Variants in TBC1D4 observed in about 807,000 individuals in gnomAD.
TBC1D4 encodes TBC (Tre-2, BUB2, CDC16) domain-containing protein.
Under a neutral mutation model 142.5 loss-of-function variants are expected in TBC1D4, and 121 were observed. That is an observed-to-expected ratio of 0.85 (90% CI 0.73 to 0.99). TBC1D4 has a LOEUF of 0.99. Among genes scored for constraint, TBC1D4 ranks in the 50% least tolerant of loss-of-function variants. TBC1D4 has a pLI of 0.00. For missense variants in TBC1D4, 1,475 were observed against 1,606.6 expected, an observed-to-expected ratio of 0.92 and a Z score of 1.40; for synonymous variants, 630 against 628.2, an observed-to-expected ratio of 1.00 and a Z score of -0.04.
In TBC1D4 at chr13:75,481,708, C is replaced by G; in HGVS notation, c.60G>C (p.Pro20=). 1 of 1,596,036 alleles carries G rather than the reference C, an allele frequency of 6.3e-7. No individual in the cohort carries two copies. The highest frequency in any genetic ancestry group is 8.5e-7 in the Non-Finnish European group (1 of 1,173,512). Residue 20 remains proline (P), a synonymous_variant, in exon 1 of 21, where the codon CCG becomes CCC. Transcript: ENST00000377636. ...CGGGGCCGGGCTGAGCTGAGACGCC[C>G]GGCTCGGGCTCCAGGGGGTGCGGGA... is the stretch of plus-strand genomic sequence containing the variant. ...EPFPHPLEPE[P]GVSAQPGPGK... is the part of the protein sequence containing the mutation.
chr13:75,387,447 T>A (rs143598047), intron 1 of TBC1D4, among the ~76,000 whole-genome samples: 1 of 152,356 alleles, frequency 6.6e-6, no homozygotes, highest in East Asian at 1.9e-4. Context: ...ATCCACTTCT[T>A]TACCTTGCAC....
At chr13:75,479,544 C>T (rs763125371) in intron 1 of TBC1D4, among the ~76,000 whole-genome samples, 2 of 151,820 alleles carry the variant, frequency 1.3e-5, no homozygotes, top group African/African-American at 2.4e-5. Flanking sequence ...ACTAAAGGTG[C>T]CAGGACCATC....
intron 1 of TBC1D4, among the ~76,000 whole-genome samples, chr13:75,377,446 C>A (rs1204413315): frequency 6.6e-6 from 1 of 152,038 alleles, no homozygotes; most frequent in African/African-American, 2.4e-5. Context: ...CAGAAATTTT[C>A]TTTAATGCAG....
At chr13:75,349,435 C>T in intron 4 of TBC1D4, 133 bp from the exon 5 acceptor site, 1 of 1,214,112 alleles carries the variant, frequency 8.2e-7, no homozygotes, top group East Asian at 2.5e-5. Flanking sequence ...AGAGAGTTAG[C>T]CGAGAGAAAA....
chr13:75,314,852 T>G (rs1032826711), intron 12 of TBC1D4, among the ~76,000 whole-genome samples: 8 of 149,414 alleles, frequency 5.4e-5, no homozygotes, highest in Non-Finnish European at 7.4e-5. Context: ...TAGTGACAGG[T>G]GCCTGTAATC....
intron 13 of TBC1D4, among the ~76,000 whole-genome samples, chr13:75,311,333 C>T (rs111780579): frequency 2.0e-5 from 3 of 152,332 alleles, no homozygotes; most frequent in African/African-American, 7.2e-5. Flanking sequence ...TTTAAATAAA[C>T]ATCTAATTGT....
At chr13:75,387,891 G>C (rs1009279063) in intron 1 of TBC1D4, among the ~76,000 whole-genome samples, 1 of 152,118 alleles carries the variant, frequency 6.6e-6, no homozygotes, top group Non-Finnish European at 1.5e-5. Flanking sequence ...TTACCTTACA[G>C]TTCTGCAGGA....
chr13:75,318,146 C>T (rs1422915151), intron 12 of TBC1D4, among the ~76,000 whole-genome samples: 1 of 152,224 alleles, frequency 6.6e-6, no homozygotes, highest in Non-Finnish European at 1.5e-5. Context: ...CTAATGACCA[C>T]TCACAGAGAC....
At chr13:75,468,762 G>C (rs1346227991) in intron 1 of TBC1D4, among the ~76,000 whole-genome samples, 1 of 152,122 alleles carries the variant, frequency 6.6e-6, no homozygotes, top group Non-Finnish European at 1.5e-5. Flanking sequence ...ACATTAATCT[G>C]CTCCTGTGGA....
intron 1 of TBC1D4, among the ~76,000 whole-genome samples, chr13:75,463,624 A>G (rs141122426): frequency 6.6e-6 from 1 of 152,360 alleles, no homozygotes; most frequent in Non-Finnish European, 1.5e-5. Context: ...TGATTTCATC[A>G]ACCTCAGTAT....
chr13:75,429,618 T>C (rs755490879), intron 1 of TBC1D4, among the ~76,000 whole-genome samples: 1 of 152,058 alleles, frequency 6.6e-6, no homozygotes, highest in Non-Finnish European at 1.5e-5. Context: ...AATAAAAGGT[T>C]TTAATTAAAA....
intron 1 of TBC1D4, among the ~76,000 whole-genome samples, chr13:75,432,633 C>G (rs563758018): frequency 2.2e-4 from 34 of 152,058 alleles, no homozygotes; most frequent in Non-Finnish European, 4.6e-4. Context: ...ATAGTTAATA[C>G]TTAAACGGAA....
chr13:75,338,496 G>A (rs1360348803), intron 7 of TBC1D4, among the ~76,000 whole-genome samples: 8 of 152,132 alleles, frequency 5.3e-5, no homozygotes, highest in East Asian at 3.8e-4. Context: ...AAAGGAGAGC[G>A]TGATGGAGGC....
intron 1 of TBC1D4, among the ~76,000 whole-genome samples, chr13:75,438,317 T>A (rs1474639061): frequency 6.6e-6 from 1 of 152,246 alleles, no homozygotes; most frequent in African/African-American, 2.4e-5. Flanking sequence ...ATGCTTATGT[T>A]CAATTTTCTC....
chr13:75,408,452 G>A (rs1016295105), intron 1 of TBC1D4, among the ~76,000 whole-genome samples: 2 of 152,134 alleles, frequency 1.3e-5, no homozygotes, highest in African/African-American at 2.4e-5. Flanking sequence ...AATCTAGGGG[G>A]TATTAATGCT....
In TBC1D4 at chr13:75,387,343, A is replaced by G. The variant is rs374644485; in HGVS notation, c.499-24736T>C. 2.8e-4 allele frequency among the ~76,000 whole-genome samples: 43 copies of G among 152,338 alleles called. 1 individual carries two copies. Among genetic ancestry groups the G allele is most frequent in the East Asian group, 2.1e-3 (11 of 5,190 alleles). ...ATAATGGTTAATATTATCTTTTGAC[A>G]CTATCCACCAAAGAATGATCGTTCC... On this transcript the variant is annotated intron_variant, in intron 1 of 20. Coordinates refer to ENST00000377636, the MANE Select transcript of TBC1D4 (RefSeq NM_014832.5).
chr13:75,411,425 G>C (rs577310873), intron 1 of TBC1D4, among the ~76,000 whole-genome samples: 2 of 152,276 alleles, frequency 1.3e-5, no homozygotes, highest in South Asian at 2.1e-4. Flanking sequence ...TCAATGCCAA[G>C]GGCCATTTGG....
rs544057584 is a variant in TBC1D4 at position 75,419,621 on chromosome 13, T to C, written c.499-57014A>G. On this transcript the variant is annotated intron_variant, in intron 1 of 20. Coordinates refer to ENST00000377636, the MANE Select transcript of TBC1D4 (RefSeq NM_014832.5). ...AATGAATGAGAACCACACAGTAGTG[T>C]AAAGGTTTATAACAATTTACATTCT... is the stretch of plus-strand genomic sequence containing the variant. Among the ~76,000 whole-genome samples, 123 of 152,286 alleles carry C rather than the reference T, an allele frequency of 8.1e-4. 2 individuals are homozygous for C. The South Asian group carries it at 0.019, about 24-fold the overall frequency.
chr13:75,428,183 G>T (rs1886455579), intron 1 of TBC1D4, among the ~76,000 whole-genome samples: 2 of 152,226 alleles, frequency 1.3e-5, no homozygotes, highest in South Asian at 4.2e-4. Context: ...GGGAGGACTT[G>T]GGGGGAGTAG....
Sources: allele counts gnomAD v4.1 joint callset (sites outside exome capture counted in the v4.1 genomes callset), GRCh38; gene constraint gnomAD v4.1.1; transcripts MANE v1.5; gene names NCBI Gene and HGNC (gene_info 2026-07-23, HGNC 2026-07-21).